Variants in ABCB1 observed in about 807,000 individuals in gnomAD.
The protein encoded by ABCB1 is ATP-dependent translocase ABCB1.
In ABCB1, 69 loss-of-function variants were observed where a neutral mutation model predicts 142.0. The observed-to-expected ratio is 0.49, with a 90% CI of 0.40 to 0.59. The LOEUF (loss-of-function observed/expected upper bound fraction) is 0.59. Among genes scored for constraint, ABCB1 ranks in the 20% least tolerant of loss-of-function variants. The probability of loss-of-function intolerance (pLI) is 0.00; values close to 1 mark genes in which losing one functional copy is unlikely to be tolerated. For missense variants in ABCB1, 1,326 were observed against 1,554.7 expected, an observed-to-expected ratio of 0.85 and a Z score of 2.47; for synonymous variants, 532 against 539.2, an observed-to-expected ratio of 0.99 and a Z score of 0.18.
At chr7:87,610,161 G>A (rs1819797993) in intron 1 of ABCB1, among the ~76,000 whole-genome samples, 1 of 150,318 alleles carries the variant, frequency 6.7e-6, no homozygotes, top group Non-Finnish European at 1.5e-5. Context: ...CCCTGACCTT[G>A]TAGTTGTGTT....
Position 87,553,826 on chromosome 7 carries a change from G to A in ABCB1, c.934C>T (p.Leu312=). ...AAGGTGGTCCCATACCAGAAGGCCA[G>A]AGCATAAGATGCATAGATCAGCAGG... is the stretch of plus-strand genomic sequence containing the variant. ...AFLLIYASYA[L]AFWYGTTLVL... Residue 312 remains leucine (L), a synonymous_variant, in exon 9 of 28, where the codon CTG becomes TTG. Coordinates refer to ENST00000622132, the MANE Select transcript of ABCB1 (RefSeq NM_001348946.2). 3 of 1,614,130 alleles carry A rather than the reference G, an allele frequency of 1.9e-6. No homozygotes were observed. Among genetic ancestry groups the A allele is most frequent in the East Asian group, 2.2e-5 (1 of 44,878 alleles).
chr7:87,707,605 C>T (rs933948104), intron 1 of ABCB1, among the ~76,000 whole-genome samples: 2 of 151,988 alleles, frequency 1.3e-5, no homozygotes, highest in Non-Finnish European at 2.9e-5. Flanking sequence ...GCTTGTGAGG[C>T]AGAGGTTGCA....
chr7:87,710,289 A>C (rs954128776), intron 1 of ABCB1, among the ~76,000 whole-genome samples: 1 of 152,174 alleles, frequency 6.6e-6, no homozygotes, highest in African/African-American at 2.4e-5. Flanking sequence ...CATGTAATTC[A>C]AAAGAAGTCT....
chr7:87,535,821 T>A (rs558363321), intron 20 of ABCB1, among the ~76,000 whole-genome samples: 19 of 152,276 alleles, frequency 1.2e-4, no homozygotes, highest in African/African-American at 4.6e-4. Flanking sequence ...TTACATGAAT[T>A]TTTTCAAATT....
At chr7:87,603,985 T>C (rs768283890), upstream of ABCB1, among the ~76,000 whole-genome samples, 22 of 152,196 alleles carry the variant, frequency 1.4e-4, no homozygotes, top group Non-Finnish European at 2.1e-4. Context: ...CTTCTCAATC[T>C]CTTTTTGCCC....
At position 87,504,468 on chromosome 7, in the gene ABCB1, G is replaced by C. The variant is rs772846826; in HGVS notation, c.3637-19C>G. 3.1e-6 allele frequency: 5 copies of C among 1,613,768 alleles called. No homozygotes were observed. The South Asian group carries it at 4.4e-5, about 14-fold the overall frequency. On this transcript the variant is annotated intron_variant, in intron 27 of 27. Coordinates refer to ENST00000622132, the MANE Select transcript of ABCB1 (RefSeq NM_001348946.2). Reference sequence around the variant, plus strand: ...GGACAACCTATTCCATAATCACATAGATTAATTCTCATAATAGTTCTTTTC... The same window carrying C: ...GGACAACCTATTCCATAATCACATACATTAATTCTCATAATAGTTCTTTTC...
At chr7:87,615,505 C>G (rs1358794674) in intron 1 of ABCB1, among the ~76,000 whole-genome samples, 1 of 152,198 alleles carries the variant, frequency 6.6e-6, no homozygotes, top group Non-Finnish European at 1.5e-5. Flanking sequence ...GTAACATAAT[C>G]TCATCACTCT....
chr7:87,660,411 C>G (rs1283259166), intron 1 of ABCB1, among the ~76,000 whole-genome samples: 1 of 151,996 alleles, frequency 6.6e-6, no homozygotes, highest in Non-Finnish European at 1.5e-5. Flanking sequence ...GTAGTATTTC[C>G]TTTAATGTGA....
rs1325649391 is a variant in ABCB1, at chr7:87,595,955, A to G, written c.69-141T>C. On this transcript the variant is annotated intron_variant, in intron 2 of 27. Transcript: ENST00000622132. Reference sequence around the variant, plus strand: ...TTATACAGTTAAAAAACAGGATGATAATAGTATGACCCCATTTATAATGTT... The same window carrying G: ...TTATACAGTTAAAAAACAGGATGATGATAGTATGACCCCATTTATAATGTT... 3 of 674,214 alleles carry G rather than the reference A, an allele frequency of 4.4e-6. No individual in the cohort carries two copies. In the African/African-American group the frequency reaches 5.5e-5, roughly 12 times the overall value. 41.8% of individuals were successfully genotyped at this position (674,214 alleles called of 1,614,324 possible).
chr7:87,648,853 CTAAG>C (rs1288890140), intron 1 of ABCB1, among the ~76,000 whole-genome samples: 1 of 151,956 alleles, frequency 6.6e-6, no homozygotes, highest in African/African-American at 2.4e-5. Context: ...TACTGCTGTG[CTAAG>C]TGAGGACTGC....
At chr7:87,664,218 C>CA (rs1254023947) in intron 1 of ABCB1, among the ~76,000 whole-genome samples, 1 of 151,978 alleles carries the variant, frequency 6.6e-6, no homozygotes, top group Non-Finnish European at 1.5e-5. Context: ...CCAAGCTACC[C>CA]AGGAAGCTGA....
intron 19 of ABCB1, among the ~76,000 whole-genome samples, chr7:87,537,250 A>C (rs1196550907): frequency 1.3e-5 from 2 of 152,060 alleles, no homozygotes; most frequent in African/African-American, 4.8e-5. Flanking sequence ...AGGAGATGAG[A>C]TTTGAGAGAG....
chr7:87,667,482 T>C (rs1361340622), intron 1 of ABCB1, among the ~76,000 whole-genome samples: 1 of 152,154 alleles, frequency 6.6e-6, no homozygotes, highest in Non-Finnish European at 1.5e-5. Context: ...TGCCCTTTAT[T>C]TCTTTCTCTT....
chr7:87,655,476 A>G (rs574085295), intron 1 of ABCB1, among the ~76,000 whole-genome samples: 27 of 152,298 alleles, frequency 1.8e-4, no homozygotes, highest in African/African-American at 6.0e-4. Context: ...ACACTTAAAG[A>G]CAAATACTGC....
intron 7 of ABCB1, among the ~76,000 whole-genome samples, chr7:87,562,143 G>T (rs1352670860): frequency 1.3e-5 from 2 of 152,198 alleles, no homozygotes; most frequent in African/African-American, 4.8e-5. Flanking sequence ...GCTCAAAGTT[G>T]TTTGGGTTTT....
intron 3 of ABCB1, among the ~76,000 whole-genome samples, chr7:87,594,756 A>G: frequency 6.6e-6 from 1 of 152,216 alleles, no homozygotes; most frequent in East Asian, 1.9e-4. Flanking sequence ...AGAGAAACGA[A>G]GATCACATAA....
chr7:87,595,857 A>G lies in ABCB1; in HGVS notation c.69-43T>C, dbSNP rs192365005. On this transcript the variant is annotated intron_variant, in intron 2 of 27. Coordinates refer to ENST00000622132, the MANE Select transcript of ABCB1 (RefSeq NM_001348946.2). Reference sequence around the variant, plus strand: ...AATTACATAAAACTTTAAAAAGTACATATTTTTTAAATTACCCAAATTAAC... The same window carrying G: ...AATTACATAAAACTTTAAAAAGTACGTATTTTTTAAATTACCCAAATTAAC... The G allele has an allele frequency of 1.7e-4, 250 of 1,484,566 alleles. 1 individual carries two copies. Among genetic ancestry groups the G allele is most frequent in the African/African-American group, 4.1e-5 (3 of 72,318 alleles). 92.0% of individuals were successfully genotyped at this position (1,484,566 alleles called of 1,614,324 possible). A position where few individuals can be genotyped will look rare whatever the true frequency, so the allele number is the denominator to read the frequency against.
intron 1 of ABCB1, among the ~76,000 whole-genome samples, chr7:87,687,910 T>C (rs1296311889): frequency 6.6e-6 from 1 of 152,198 alleles, no homozygotes; most frequent in Non-Finnish European, 1.5e-5. Flanking sequence ...ACCTGTTCAT[T>C]TGGCTTTTGA....
chr7:87,605,452 GA>G (rs34208689), upstream of ABCB1, among the ~76,000 whole-genome samples: 430 of 152,268 alleles, frequency 2.8e-3, 6 homozygotes, highest in East Asian at 0.049. Context: ...CAACTTCTAA[GA>G]TCTTTAAAAC....
Sources: allele counts gnomAD v4.1 joint callset (sites outside exome capture counted in the v4.1 genomes callset), GRCh38; gene constraint gnomAD v4.1.1; transcripts MANE v1.5; gene names NCBI Gene and HGNC (gene_info 2026-07-23, HGNC 2026-07-21).